LTBP1: variants seen among roughly 807,000 people sequenced by gnomAD.
LTBP1 encodes latent transforming growth factor beta binding protein 1, also known as latent-transforming growth factor beta-binding protein 1.
In LTBP1, 129 loss-of-function variants were observed where a neutral mutation model predicts 207.6. That is an observed-to-expected ratio of 0.62 (90% CI 0.54 to 0.72). The LOEUF (loss-of-function observed/expected upper bound fraction) is 0.72. Among genes scored for constraint, LTBP1 ranks in the 30% least tolerant of loss-of-function variants. The pLI is 0.00. For synonymous variants in LTBP1, 963 were observed against 833.7 expected (o/e 1.16, Z -2.67); for missense variants, 2,281 against 2,217.2 (o/e 1.03, Z -0.58).
At chr2:33,181,506 G>T (rs926951954) in intron 5 of LTBP1, among the ~76,000 whole-genome samples, 17 of 152,108 alleles carry the variant, frequency 1.1e-4, no homozygotes, top group Non-Finnish European at 1.3e-4. Context: ...TTTTACAGTT[G>T]TACCGTGAGA....
chr2:33,340,313 G>A lies in LTBP1; in HGVS notation c.3731-2525G>A, dbSNP rs549423177. 2.6e-5 allele frequency among the ~76,000 whole-genome samples: 4 copies of A among 151,838 alleles called. No homozygotes were observed. The East Asian group carries it at 7.8e-4, about 29-fold the overall frequency. ...GTAGAAGAATCTTGGCTGGAGAGGA[G>A]GATGGGGGATTTATCCCAAGGAGCA... is the stretch of plus-strand genomic sequence containing the variant. On this transcript the variant is annotated intron_variant, in intron 24 of 33. Transcript: ENST00000404816.
intron 2 of LTBP1, among the ~76,000 whole-genome samples, chr2:32,949,594 T>G (rs960496247): frequency 6.6e-6 from 1 of 152,216 alleles, no homozygotes; most frequent in African/African-American, 2.4e-5. Flanking sequence ...CTATGCATTG[T>G]GAAATTAAAG....
intron 3 of LTBP1, among the ~76,000 whole-genome samples, chr2:33,059,763 T>C (rs1292764676): frequency 6.6e-6 from 1 of 152,202 alleles, no homozygotes; most frequent in East Asian, 1.9e-4. Flanking sequence ...AGTAGACTTT[T>C]CAAACTAACT....
chr2:33,330,640 G>A (rs2094482107), intron 24 of LTBP1, among the ~76,000 whole-genome samples: 1 of 151,550 alleles, frequency 6.6e-6, no homozygotes, highest in Non-Finnish European at 1.5e-5. Flanking sequence ...TTCTGTTAAT[G>A]TGGTGAATTA....
At chr2:33,106,232 A>G (rs1054544110) in intron 3 of LTBP1, among the ~76,000 whole-genome samples, 2 of 152,220 alleles carry the variant, frequency 1.3e-5, no homozygotes, top group Non-Finnish European at 2.9e-5. Context: ...GAAGTCTTGA[A>G]CTTTTGACCT....
chr2:33,164,765 G>A (rs2084779665), intron 5 of LTBP1, among the ~76,000 whole-genome samples: 1 of 152,180 alleles, frequency 6.6e-6, no homozygotes, highest in Non-Finnish European at 1.5e-5. Flanking sequence ...TCCAACGATT[G>A]ACATTCATTT....
intron 3 of LTBP1, among the ~76,000 whole-genome samples, chr2:33,062,518 G>C (rs1011788062): frequency 1.4e-4 from 21 of 151,982 alleles, no homozygotes; most frequent in Non-Finnish European, 2.5e-4. Context: ...TCTTTATACT[G>C]ATATCTAGTT....
intron 5 of LTBP1, among the ~76,000 whole-genome samples, chr2:33,180,501 G>C (rs1573012628): frequency 6.6e-6 from 1 of 150,666 alleles, no homozygotes; most frequent in East Asian, 2.0e-4. Context: ...ACTGAGGCTG[G>C]AGTGCGGTGG....
At chr2:33,149,794 A>ATTGC (rs2083365384) in intron 5 of LTBP1, among the ~76,000 whole-genome samples, 1 of 152,176 alleles carries the variant, frequency 6.6e-6, no homozygotes, top group Non-Finnish European at 1.5e-5. Flanking sequence ...AGCACTGACC[A>ATTGC]TTGCTACTGT....
chr2:33,290,426 G>A (rs72859511), intron 19 of LTBP1, among the ~76,000 whole-genome samples: 2,275 of 152,290 alleles, frequency 0.015, 63 homozygotes, highest in African/African-American at 0.052. Flanking sequence ...CCACAAGTTT[G>A]TGTCCTTGAC....
At chr2:33,226,839 T>C (rs748046101) in intron 9 of LTBP1, among the ~76,000 whole-genome samples, 1 of 152,154 alleles carries the variant, frequency 6.6e-6, no homozygotes, top group Non-Finnish European at 1.5e-5. Context: ...CCTATTTTGA[T>C]TAGCAGGGTC....
chr2:32,994,003 TGTGTG>T (rs1684854808), intron 2 of LTBP1, among the ~76,000 whole-genome samples: 1 of 151,508 alleles, frequency 6.6e-6, no homozygotes, highest in East Asian at 1.9e-4. Context: ...TGTGTGTGTG[TGTGTG>T]TTGGGGGTTA....
chr2:33,084,924 A>C (rs2078663056), intron 3 of LTBP1, among the ~76,000 whole-genome samples: 2 of 152,228 alleles, frequency 1.3e-5, no homozygotes, highest in South Asian at 2.1e-4. Context: ...CTCATCCCCC[A>C]AAAAGATATG....
chr2:33,184,321 T>C (rs2086961923), intron 5 of LTBP1, among the ~76,000 whole-genome samples: 2 of 152,170 alleles, frequency 1.3e-5, no homozygotes, highest in African/African-American at 4.8e-5. Flanking sequence ...AAGCCTGTAA[T>C]AACTTTCTTT....
At chr2:33,071,237 GC>G (rs1378820027) in intron 3 of LTBP1, among the ~76,000 whole-genome samples, 3 of 152,178 alleles carry the variant, frequency 2.0e-5, no homozygotes, top group African/African-American at 7.2e-5. Context: ...ATGGCTTTTG[GC>G]GGAAGGCCTC....
chr2:33,231,885 G>T (rs2091811226), intron 9 of LTBP1, among the ~76,000 whole-genome samples: 1 of 152,146 alleles, frequency 6.6e-6, no homozygotes, highest in African/African-American at 2.4e-5. Flanking sequence ...TAATGTTAAA[G>T]AAAAATATTG....
chr2:33,360,624 A>G lies in LTBP1; in HGVS notation c.4028A>G (p.Lys1343Arg). The G allele has an allele frequency of 6.2e-7, 1 of 1,613,726 alleles. No individual in the cohort carries two copies. Among genetic ancestry groups the G allele is most frequent in the South Asian group, 1.1e-5 (1 of 91,060 alleles). Reference protein sequence around the residue: ...TDLDVDVDQPKEEKKECYYNL... With the variant: ...TDLDVDVDQPREEKKECYYNL... The stretch of plus-strand genomic sequence containing the variant: ...TTAGATGTAGATGTAGATCAACCCA[A>G]AGAAGAAAAGAAAGAATGCTACTAT... The change falls in exon 27 of 34, where the codon AAA becomes AGA. Residue 1343 changes from lysine (K) to arginine (R), a missense_variant. Lys to Arg is a conservative substitution (Grantham distance 26, BLOSUM62 2). Transcript: ENST00000404816.
rs140337807 is a variant in LTBP1 at position 33,237,679 on chromosome 2, A to G, written c.1877-5983A>G. Among the ~76,000 whole-genome samples, 178 of 152,322 alleles carry G rather than the reference A, an allele frequency of 1.2e-3. 1 individual carries two copies. The highest frequency in any genetic ancestry group is 0.011 in the Admixed American group (174 of 15,294). On this transcript the variant is annotated intron_variant, in intron 9 of 33. Coordinates refer to ENST00000404816, the MANE Select transcript of LTBP1 (RefSeq NM_206943.4). ...TCTTCTTATGAAAGAAATCGGACTC[A>G]TTACTTTTTCTGTGACTCTATCCTG... is the stretch of plus-strand genomic sequence containing the variant.
intron 24 of LTBP1, among the ~76,000 whole-genome samples, chr2:33,341,301 G>T (rs911634487): frequency 6.6e-6 from 1 of 152,164 alleles, no homozygotes; most frequent in African/African-American, 2.4e-5. Flanking sequence ...GGAGAAGGAT[G>T]AGCAGGTGGG....
Sources: allele counts gnomAD v4.1 joint callset (sites outside exome capture counted in the v4.1 genomes callset), GRCh38; gene constraint gnomAD v4.1.1; transcripts MANE v1.5; gene names NCBI Gene and HGNC (gene_info 2026-07-23, HGNC 2026-07-21).